The following TEAD2 variants were observed in gnomAD, a reference collection of about 807,000 sequenced individuals.
TEAD2 encodes TEA domain transcription factor 2.
A neutral mutation model predicts 61.4 loss-of-function variants in TEAD2; 51 were observed. That is an observed-to-expected ratio of 0.83 (90% CI 0.66 to 1.05). The LOEUF (loss-of-function observed/expected upper bound fraction) is 1.05, where lower values mean the gene tolerates loss of function less well. Ranked by LOEUF, TEAD2 falls within the 50% of genes least tolerant of loss-of-function variation. TEAD2 has a pLI of 0.00. For synonymous variants in TEAD2, 244 were observed against 243.2 expected (o/e 1.00, Z -0.03); for missense variants, 509 against 600.0 (o/e 0.85, Z 1.58).
At chr19:49,349,032 T>C in intron 8 of TEAD2, 187 bp from the exon 9 acceptor site, 1 of 596,380 alleles carries the variant, frequency 1.7e-6, no homozygotes, top group Non-Finnish European at 2.5e-6. Context: ...GGAAATCTGC[T>C]GGGGGGCTTC....
chr19:49,358,276 G>A (rs1182970453), intron 3 of TEAD2, among the ~76,000 whole-genome samples: 1 of 152,056 alleles, frequency 6.6e-6, no homozygotes, highest in African/African-American at 2.4e-5. Context: ...TTTGCCAGAT[G>A]TGGAGGCGCA....
In TEAD2 at chr19:49,347,231, C is replaced by T; in HGVS notation, c.880G>A (p.Asp294Asn). The change falls in exon 10 of 13, where the codon GAT becomes AAT. Residue 294 changes from aspartate to asparagine, a missense_variant. Coordinates refer to ENST00000593945, the MANE Select transcript of TEAD2 (RefSeq NM_001256660.2). ...AAGAAGGCATGGGGGGGGCCACGAT[C>T]ATATAGCTCTCGGAGGCCACCCTTT... The part of the protein sequence containing the change: ...EKKGGLRELY[D>N]RGPPHAFFLV... The T allele has an allele frequency of 6.2e-7, 1 of 1,614,174 alleles. No individual in the cohort carries two copies. The highest frequency in any genetic ancestry group is 8.5e-7 in the Non-Finnish European group (1 of 1,180,022).
chr19:49,347,064 T>C (rs1971693321), intron 10 of TEAD2, 126 bp downstream of exon 10: 5 of 1,293,902 alleles, frequency 3.9e-6, no homozygotes, highest in East Asian at 2.3e-5. Context: ...CTCCAAGCCA[T>C]GAGGACTGAC....
rs539305515 is a variant in TEAD2, at chr19:49,349,357, G to A, written c.605-512C>T. On this transcript the variant is annotated intron_variant, in intron 8 of 12. Coordinates refer to ENST00000593945, the MANE Select transcript of TEAD2 (RefSeq NM_001256660.2). ...ACGTGCCTGTAATCCCAGCTACTTA[G>A]GAGGCTGAGGCAGGAGAATGGCTTG... Among the ~76,000 whole-genome samples, 142 of 152,150 alleles carry A rather than the reference G, an allele frequency of 9.3e-4. 1 individual carries two copies. The highest frequency in any genetic ancestry group is 5.0e-3 in the East Asian group (26 of 5,172).
chr19:49,341,364 C>G lies in TEAD2; in HGVS notation c.1316G>C (p.Arg439Pro). 6.2e-7 allele frequency: 1 copy of G among 1,614,070 alleles called. No homozygotes were observed. The highest frequency in any genetic ancestry group is 8.5e-7 in the Non-Finnish European group (1 of 1,179,976). Reference sequence around the variant, plus strand: ...GCGGTAAATGTGATGCTGGGCCCCACGCTCGCTGGTGGAGACCTCGAAGAC... The same window carrying G: ...GCGGTAAATGTGATGCTGGGCCCCAGGCTCGCTGGTGGAGACCTCGAAGAC... ...AYVFEVSTSE[R>P]GAQHHIYRLV... Residue 439 changes from arginine to proline, a missense_variant, in exon 13 of 13, where the codon CGT becomes CCT. Transcript: ENST00000593945. This position sits in a 1 kb window ranked among gnomAD's most constrained non-coding sequence, Gnocchi z 4.2.
chr19:49,361,207 G>GAGACCCAGAGAGAGAGGGGA (rs1972887077), intron 1 of TEAD2, among the ~76,000 whole-genome samples: 2 of 100,116 alleles, frequency 2.0e-5, no homozygotes, highest in Admixed American at 9.8e-5. Flanking sequence ...CAGAGAGGGA[G>GAGACCCAGAGAGAGAGGGGA]ACAGAGACCC....
At chr19:49,356,948 C>G (rs1026723177) in intron 4 of TEAD2, among the ~76,000 whole-genome samples, 2 of 151,326 alleles carry the variant, frequency 1.3e-5, no homozygotes, top group African/African-American at 4.9e-5. Flanking sequence ...GTCTCTGGGT[C>G]TCTGTCTCCC....
chr19:49,341,200 A>C lies in TEAD2; in HGVS notation c.*124T>G. The C allele has an allele frequency of 1.2e-6, 1 of 826,480 alleles. No individual in the cohort carries two copies. 51.2% of individuals were successfully genotyped at this position (826,480 alleles called of 1,614,324 possible). A position where few individuals can be genotyped will look rare whatever the true frequency, so the allele number is the denominator to read the frequency against. ...ATGGGGGGGATGGCCCCAGTTGCTT[A>C]GGCCTCTGAGGTCAACCCCTTTACA... On this transcript the variant is annotated 3_prime_UTR_variant, in exon 13 of 13. Coordinates refer to ENST00000593945, the MANE Select transcript of TEAD2 (RefSeq NM_001256660.2). The surrounding 1 kb of genome is among the most constrained non-coding windows in gnomAD (Gnocchi z 4.2).
intron 7 of TEAD2, among the ~76,000 whole-genome samples, chr19:49,354,117 G>A (rs1972216201): frequency 6.6e-6 from 1 of 151,038 alleles, no homozygotes. Context: ...CTCTTTCTCT[G>A]ACAATACCGT....
chr19:49,360,878 TAGAGACCCAGAGACAGAGGGGGAC>T (rs1972825561), intron 1 of TEAD2, among the ~76,000 whole-genome samples: 1 of 74,322 alleles, frequency 1.3e-5, no homozygotes, highest in Non-Finnish European at 2.4e-5. Context: ...GAGGTGGGGA[TAGAGACCCAGAGACAGAGGGGGAC>T]AGAGACCAGA....
At position 49,347,232 on chromosome 19, in the gene TEAD2, A is replaced by C. The variant is rs1168736029; in HGVS notation, c.879T>G (p.Tyr293Ter). Reference sequence around the variant, plus strand: ...AGAAGGCATGGGGGGGGCCACGATCATATAGCTCTCGGAGGCCACCCTTTT... The same window carrying C: ...AGAAGGCATGGGGGGGGCCACGATCCTATAGCTCTCGGAGGCCACCCTTTT... ...PEKKGGLREL[Y>*]DRGPPHAFFL... is the part of the protein sequence containing the mutation. The change falls in exon 10 of 13, where the codon TAT (tyrosine) becomes TAG (stop). Residue 293 changes from tyrosine to a stop codon, truncating the protein, a stop_gained. Transcript: ENST00000593945. LOFTEE classifies it high-confidence loss of function. 1.9e-6 allele frequency: 3 copies of C among 1,614,134 alleles called. No homozygotes were observed. The highest frequency in any genetic ancestry group is 2.5e-6 in the Non-Finnish European group (3 of 1,180,024).
Position 49,359,851 on chromosome 19 carries a change from C to G in TEAD2, c.225G>C (p.Lys75Asn), listed in dbSNP as rs562403910. 2.5e-6 allele frequency: 4 copies of G among 1,613,598 alleles called. No homozygotes were observed. The South Asian group carries it at 4.4e-5, about 18-fold the overall frequency. ...RRKIILSDEG[K>N]MYGRNELIAR... Reference sequence around the variant, plus strand: ...AGACAGAAGTAGACTCACCATACATCTTGCCTTCATCAGACAAAATTATTT... The same window carrying G: ...AGACAGAAGTAGACTCACCATACATGTTGCCTTCATCAGACAAAATTATTT... The change falls in exon 2 of 13, where the codon AAG becomes AAC. Residue 75 changes from lysine (K) to asparagine (N), a missense_variant. Physicochemically the swap from Lys to Asn is moderately conservative, Grantham distance 94. Coordinates refer to ENST00000593945, the MANE Select transcript of TEAD2 (RefSeq NM_001256660.2). The surrounding 1 kb of genome is among the most constrained non-coding windows in gnomAD (Gnocchi z 4.1).
At chr19:49,344,739 C>T (rs1205814370) in intron 10 of TEAD2, among the ~76,000 whole-genome samples, 1 of 152,198 alleles carries the variant, frequency 6.6e-6, no homozygotes, top group Non-Finnish European at 1.5e-5. Context: ...TACTCCCTAG[C>T]AACGGGACCT....
At chr19:49,361,340 G>A (rs895618159) in intron 1 of TEAD2, 1 of 153,222 alleles carries the variant, frequency 6.5e-6, no homozygotes, top group Non-Finnish European at 1.4e-5. Flanking sequence ...TCAGAGAGAG[G>A]GGGACAGAGG....
At chr19:49,345,091 T>G (rs1281402711) in intron 10 of TEAD2, among the ~76,000 whole-genome samples, 2 of 152,088 alleles carry the variant, frequency 1.3e-5, no homozygotes, top group Non-Finnish European at 2.9e-5. Context: ...CCTAAGGGGG[T>G]GGCTCTCCAG....
At chr19:49,348,479 G>A (rs942554266) in intron 9 of TEAD2, among the ~76,000 whole-genome samples, 4 of 139,394 alleles carry the variant, frequency 2.9e-5, no homozygotes, top group South Asian at 2.7e-4. Context: ...CTCAAAGTAC[G>A]GTCCCCAGAC....
At chr19:49,360,729 AGAGGGGGACAGAGACCCAGAGAGG>A (rs369841090) in intron 1 of TEAD2, among the ~76,000 whole-genome samples, 17,698 of 113,766 alleles carry the variant, frequency 0.16, 1,538 homozygotes, top group Non-Finnish European at 0.18. Flanking sequence ...AGGTCTAGAG[AGAGGGGGACAGAGACCCAGAGAGG>A]GAGGGGGACA....
intron 5 of TEAD2, 65 bp from the exon 6 acceptor site, chr19:49,355,484 G>A: frequency 7.2e-7 from 1 of 1,397,218 alleles, no homozygotes; most frequent in South Asian, 1.2e-5. Flanking sequence ...GAGGGGGATG[G>A]TGCCAGGGTG....
rs536161124 is a variant in TEAD2, at chr19:49,347,217, G to C, written c.894C>G (p.Pro298=). Residue 298 remains proline, a synonymous_variant, in exon 10 of 13, where the codon CCC becomes CCG. Transcript: ENST00000593945. ...GLRELYDRGP[P]HAFFLVKFWA... ...AGAACTTGACCAGGAAGAAGGCATG[G>C]GGGGGGCCACGATCATATAGCTCTC... 1.2e-6 allele frequency: 2 copies of C among 1,613,996 alleles called. No individual in the cohort carries two copies. Among genetic ancestry groups the C allele is most frequent in the African/African-American group, 1.3e-5 (1 of 75,006 alleles).
Sources: gnomAD v4.1 joint callset for allele counts (sites outside exome capture counted in the v4.1 genomes callset) on GRCh38, gnomAD v4.1.1 for gene constraint, Gnocchi (gnomAD v3.1) non-coding constraint, MANE v1.5 for transcripts, NCBI Gene and HGNC (gene_info 2026-07-23, HGNC 2026-07-21) for gene names.